NLGN1: variants seen among roughly 807,000 people sequenced by gnomAD.
The protein encoded by NLGN1 is neuroligin-1.
Under a neutral mutation model 65.5 loss-of-function variants are expected in NLGN1, and 12 were observed. That is an observed-to-expected ratio of 0.18 (90% confidence interval 0.12 to 0.30). The LOEUF is 0.30. Ranked by LOEUF, NLGN1 falls within the 10% of genes least tolerant of loss-of-function variation. The pLI, the probability that NLGN1 is intolerant of heterozygous loss-of-function variation, is 1.00. For synonymous variants in NLGN1, 350 were observed against 359.5 expected (o/e 0.97, Z 0.30); for missense variants, 750 against 1,007.1 (o/e 0.74, Z 3.46).
chr3:173,686,511 C>T (rs1005871656), intron 3 of NLGN1, among the ~76,000 whole-genome samples: 1 of 152,066 alleles, frequency 6.6e-6, no homozygotes, highest in African/African-American at 2.4e-5. Context: ...TCAAACTTTG[C>T]TCTCTGAGGA....
chr3:174,289,367 G>A (rs74948207), downstream of NLGN1, among the ~76,000 whole-genome samples: 25 of 151,424 alleles, frequency 1.7e-4, no homozygotes, highest in East Asian at 4.9e-3. Context: ...ATAGAAAAGT[G>A]AATAAAATGT....
chr3:173,626,249 T>C (rs913965511), intron 3 of NLGN1, among the ~76,000 whole-genome samples: 1 of 152,100 alleles, frequency 6.6e-6, no homozygotes, highest in Non-Finnish European at 1.5e-5. Flanking sequence ...GCTACCATTT[T>C]GGGCAGTGCA....
At chr3:173,939,868 A>G (rs1745704187) in intron 4 of NLGN1, among the ~76,000 whole-genome samples, 1 of 152,102 alleles carries the variant, frequency 6.6e-6, no homozygotes, top group Non-Finnish European at 1.5e-5. Flanking sequence ...GTTATCCAAA[A>G]GAAGTTGAAT....
chr3:173,766,542 G>A (rs1415092184), intron 3 of NLGN1, among the ~76,000 whole-genome samples: 1 of 152,060 alleles, frequency 6.6e-6, no homozygotes, highest in Non-Finnish European at 1.5e-5. Context: ...ACTATATTAG[G>A]TATGTGCTTG....
intron 4 of NLGN1, among the ~76,000 whole-genome samples, chr3:173,961,367 G>A (rs1263162937): frequency 6.6e-6 from 1 of 151,628 alleles, no homozygotes; most frequent in African/African-American, 2.4e-5. Context: ...TTGGTTTTGG[G>A]GACATGTTGA....
At chr3:173,754,005 T>C (rs116780379) in intron 3 of NLGN1, among the ~76,000 whole-genome samples, 7,515 of 142,408 alleles carry the variant, frequency 0.053, 645 homozygotes, top group African/African-American at 0.18. Flanking sequence ...TACTTTTTTT[T>C]TCTTTATTTC....
chr3:173,824,680 T>C (rs1720979880), intron 4 of NLGN1, among the ~76,000 whole-genome samples: 1 of 152,136 alleles, frequency 6.6e-6, no homozygotes, highest in Non-Finnish European at 1.5e-5. Context: ...AAAAGATGCA[T>C]ATAAATACAG....
At chr3:173,853,498 T>C (rs1727370072) in intron 4 of NLGN1, among the ~76,000 whole-genome samples, 1 of 152,130 alleles carries the variant, frequency 6.6e-6, no homozygotes, top group Admixed American at 6.6e-5. Flanking sequence ...AATATAAAAA[T>C]AAGTGTAACA....
chr3:173,674,057 G>A (rs559547955), intron 3 of NLGN1, among the ~76,000 whole-genome samples: 1 of 152,222 alleles, frequency 6.6e-6, no homozygotes, highest in Admixed American at 6.5e-5. Context: ...TAGCTGAAGT[G>A]TGAATCGGCC....
At chr3:173,967,459 T>G (rs761043448) in intron 4 of NLGN1, among the ~76,000 whole-genome samples, 3 of 152,178 alleles carry the variant, frequency 2.0e-5, no homozygotes, top group South Asian at 2.1e-4. Flanking sequence ...ACAACTAATA[T>G]TTCTACTAAA....
intron 4 of NLGN1, among the ~76,000 whole-genome samples, chr3:174,135,401 A>C (rs1014595336): frequency 1.2e-4 from 18 of 152,206 alleles, no homozygotes; most frequent in Admixed American, 1.1e-3. Context: ...GTAAACAGTT[A>C]AATATGCTCG....
rs890788162 is a variant in NLGN1, at chr3:174,197,554, C to G, written c.647-77761C>G. On this transcript the variant is annotated intron_variant, in intron 4 of 6. Transcript: ENST00000457714. ...AAAAAAAAAGGAGAATCCAGTTAGC[C>G]TGGCTTGGGTAACAATAACTCTTCC... Among the ~76,000 whole-genome samples, 14 of 145,344 alleles carry G rather than the reference C, an allele frequency of 9.6e-5. No homozygotes were observed. The Admixed American group carries it at 9.8e-4, about 10-fold the overall frequency.
At chr3:173,646,063 C>G (rs147194695) in intron 3 of NLGN1, among the ~76,000 whole-genome samples, 1 of 152,240 alleles carries the variant, frequency 6.6e-6, no homozygotes, top group East Asian at 1.9e-4. Flanking sequence ...CCCCTATTCC[C>G]TGAGGAGAGG....
chr3:173,836,059 C>T (rs866077464), intron 4 of NLGN1, among the ~76,000 whole-genome samples: 4 of 152,136 alleles, frequency 2.6e-5, no homozygotes, highest in Admixed American at 2.0e-4. Flanking sequence ...GCATGCCCAG[C>T]ACTGGAACTT....
At chr3:173,611,133 T>G (rs1438779169) in intron 3 of NLGN1, among the ~76,000 whole-genome samples, 1 of 152,020 alleles carries the variant, frequency 6.6e-6, no homozygotes, top group African/African-American at 2.4e-5. Context: ...GGGGTTCTGC[T>G]GTTATCTGAT....
chr3:174,259,397 T>C (rs4311224), intron 4 of NLGN1, among the ~76,000 whole-genome samples: 1,617 of 152,060 alleles, frequency 0.011, 32 homozygotes, highest in African/African-American at 0.036. Flanking sequence ...CTCTCCCTCA[T>C]TCTCCCTCAC....
intron 4 of NLGN1, among the ~76,000 whole-genome samples, chr3:174,166,761 T>C (rs573908279): frequency 1.3e-5 from 2 of 152,226 alleles, no homozygotes; most frequent in East Asian, 3.9e-4. Context: ...CAATAGTCTT[T>C]CTAATGCTGT....
At chr3:173,640,733 A>C (rs1757279763) in intron 3 of NLGN1, among the ~76,000 whole-genome samples, 1 of 152,114 alleles carries the variant, frequency 6.6e-6, no homozygotes, top group Non-Finnish European at 1.5e-5. Context: ...CCCACATTCT[A>C]ATTTTTTGGT....
At chr3:174,000,214 T>C (rs1188126395) in intron 4 of NLGN1, among the ~76,000 whole-genome samples, 6 of 152,174 alleles carry the variant, frequency 3.9e-5, no homozygotes, top group East Asian at 1.9e-4. Flanking sequence ...ATTTTTTTAG[T>C]GTAAAACCTT....
Sources: gnomAD v4.1 joint callset for allele counts (sites outside exome capture counted in the v4.1 genomes callset) on GRCh38, gnomAD v4.1.1 for gene constraint, MANE v1.5 for transcripts, NCBI Gene and HGNC (gene_info 2026-07-23, HGNC 2026-07-21) for gene names.